Variants in OTUD7A observed in about 807,000 individuals in gnomAD.
OTUD7A encodes the protein OTU deubiquitinase 7A.
In OTUD7A, 12 loss-of-function variants were observed where a neutral mutation model predicts 65.7. The observed-to-expected ratio is 0.18, with a 90% CI of 0.12 to 0.30. The LOEUF is 0.30. OTUD7A is among the 10% of genes least tolerant of loss of function. OTUD7A has a pLI of 1.00. For synonymous variants in OTUD7A, 641 were observed against 586.3 expected, an observed-to-expected ratio of 1.09 and a Z score of -1.35; for missense variants, 1,148 against 1,304.8, an observed-to-expected ratio of 0.88 and a Z score of 1.85.
chr15:31,771,775 C>T (rs536752841), intron 1 of OTUD7A, among the ~76,000 whole-genome samples: 1 of 152,312 alleles, frequency 6.6e-6, no homozygotes, highest in East Asian at 1.9e-4. Context: ...AGACCCCCCT[C>T]TCCAACCTCT....
rs2041086325 is a variant in OTUD7A, at chr15:31,479,669, G to A, written c.*3625C>T. 1.4e-5 allele frequency: 2 copies of A among 146,318 alleles called. No individual in the cohort carries two copies. Among genetic ancestry groups the A allele is most frequent in the South Asian group, 4.3e-4 (2 of 4,600 alleles). 9.1% of individuals were successfully genotyped at this position (146,318 alleles called of 1,614,324 possible). ...AGTTTGTGGACACTAAGTGGGGGGGGGGGGTGATGGGCCCATGACCCCTCC... is the reference window on the plus strand; with the variant it reads ...AGTTTGTGGACACTAAGTGGGGGGGAGGGGTGATGGGCCCATGACCCCTCC... On this transcript the variant is annotated 3_prime_UTR_variant, in exon 13 of 13. Coordinates refer to ENST00000307050, the MANE Select transcript of OTUD7A (RefSeq NM_001382637.1).
At chr15:31,526,524 A>C in intron 7 of OTUD7A, 63 bp from the exon 8 acceptor site, 5 of 1,349,168 alleles carry the variant, frequency 3.7e-6, no homozygotes, top group Non-Finnish European at 2.0e-6. Flanking sequence ...TCCTCTCCTC[A>C]CCCTCCCAAT....
At chr15:31,543,066 C>G (rs965125113) in intron 5 of OTUD7A, among the ~76,000 whole-genome samples, 1 of 151,672 alleles carries the variant, frequency 6.6e-6, no homozygotes, top group African/African-American at 2.4e-5. Flanking sequence ...ATGGGTAAAT[C>G]AAAATGAATG....
chr15:31,575,246 G>A (rs1385686725), intron 3 of OTUD7A, among the ~76,000 whole-genome samples: 1 of 152,194 alleles, frequency 6.6e-6, no homozygotes, highest in Non-Finnish European at 1.5e-5. Flanking sequence ...ATGTAGCCCT[G>A]TGTGGTATGT....
chr15:31,821,159 C>T lies in OTUD7A; in HGVS notation c.-100+49348G>A, dbSNP rs1438711758. On this transcript the variant is annotated intron_variant, in intron 1 of 12. Coordinates refer to ENST00000307050, the MANE Select transcript of OTUD7A (RefSeq NM_001382637.1). ...TTTTTTTTTTTTTTTTTTTTTGAGA[C>T]GGAGTCTTGCTCTGTCACCAGGCTG... is the stretch of plus-strand genomic sequence containing the variant. Among the ~76,000 whole-genome samples, 11 of 103,042 alleles carry T rather than the reference C, an allele frequency of 1.1e-4. No homozygotes were observed. The Admixed American group carries it at 1.2e-3, about 11-fold the overall frequency. The allele number at this position is 103,042 out of a possible 152,430, so 67.6% of individuals were successfully genotyped here.
intron 1 of OTUD7A, among the ~76,000 whole-genome samples, chr15:31,771,213 C>T (rs1464092824): frequency 1.3e-5 from 2 of 152,160 alleles, no homozygotes; most frequent in Non-Finnish European, 2.9e-5. Context: ...AGGGTAGATA[C>T]TGAAAGAGGA....
intron 1 of OTUD7A, among the ~76,000 whole-genome samples, chr15:31,774,728 T>G (rs1895326468): frequency 6.6e-6 from 1 of 152,236 alleles, no homozygotes; most frequent in Admixed American, 6.5e-5. Flanking sequence ...TGATCCCAGT[T>G]GTCTGGGAAA....
chr15:31,537,321 A>C (rs1191316717), intron 5 of OTUD7A, among the ~76,000 whole-genome samples: 1 of 152,248 alleles, frequency 6.6e-6, no homozygotes, highest in African/African-American at 2.4e-5. Context: ...TTACTGATAA[A>C]AAATAACTGC....
intron 1 of OTUD7A, among the ~76,000 whole-genome samples, chr15:31,847,919 T>C (rs1897326696): frequency 6.6e-6 from 1 of 151,950 alleles, no homozygotes; most frequent in African/African-American, 2.4e-5. Flanking sequence ...AATGATCAGA[T>C]CTCGTGAGAA....
chr15:31,767,513 T>C (rs1895122034), intron 1 of OTUD7A: 3 of 771,648 alleles, frequency 3.9e-6, no homozygotes, highest in South Asian at 1.3e-5. Flanking sequence ...TGTTTTGTAG[T>C]ATAACTACTC....
chr15:31,497,643 A>C (rs2041407532), intron 10 of OTUD7A, among the ~76,000 whole-genome samples: 1 of 152,162 alleles, frequency 6.6e-6, no homozygotes, highest in South Asian at 2.1e-4. Flanking sequence ...TTCGACCCTG[A>C]AGGTTCCTGA....
chr15:31,584,825 T>A (rs1204892181), intron 3 of OTUD7A, among the ~76,000 whole-genome samples: 2 of 152,316 alleles, frequency 1.3e-5, no homozygotes, highest in East Asian at 3.9e-4. Flanking sequence ...AAGATCATGA[T>A]GGCCTGCCTA....
chr15:31,552,322 G>C (rs1284484243), intron 5 of OTUD7A, among the ~76,000 whole-genome samples: 2 of 152,138 alleles, frequency 1.3e-5, no homozygotes, highest in South Asian at 4.1e-4. Context: ...ATGCAAATGG[G>C]CTATGACAAT....
intron 3 of OTUD7A, among the ~76,000 whole-genome samples, chr15:31,631,687 C>G (rs1891161245): frequency 6.6e-6 from 1 of 152,172 alleles, no homozygotes; most frequent in African/African-American, 2.4e-5. Flanking sequence ...AGAGTGTTTT[C>G]CAACTTGGTT....
chr15:31,599,724 A>C (rs547927025), intron 3 of OTUD7A, among the ~76,000 whole-genome samples: 1 of 152,298 alleles, frequency 6.6e-6, no homozygotes, highest in South Asian at 2.1e-4. Context: ...AACCCAATGC[A>C]AGGAAGCTAA....
At chr15:31,772,272 T>A (rs867941115) in intron 1 of OTUD7A, among the ~76,000 whole-genome samples, 39 of 136,262 alleles carry the variant, frequency 2.9e-4, no homozygotes, top group African/African-American at 5.4e-4. Context: ...AAAAAAAAAA[T>A]ATTTTAGAGT....
At chr15:31,826,329 AC>A (rs1389979607) in intron 1 of OTUD7A, among the ~76,000 whole-genome samples, 1 of 152,224 alleles carries the variant, frequency 6.6e-6, no homozygotes, top group African/African-American at 2.4e-5. Flanking sequence ...CAGACTCAGC[AC>A]CACATGGATA....
chr15:31,585,715 C>T (rs1018030322), intron 3 of OTUD7A, among the ~76,000 whole-genome samples: 1 of 152,062 alleles, frequency 6.6e-6, no homozygotes, highest in Non-Finnish European at 1.5e-5. Flanking sequence ...CAGAAAGAGC[C>T]CCGGCTGTAT....
chr15:31,548,767 CAA>C (rs1888219704), intron 5 of OTUD7A, among the ~76,000 whole-genome samples: 1 of 152,122 alleles, frequency 6.6e-6, no homozygotes, highest in African/African-American at 2.4e-5. Flanking sequence ...TTCTGATTGT[CAA>C]AAGAGCCCAA....
Sources: allele counts gnomAD v4.1 joint callset (sites outside exome capture counted in the v4.1 genomes callset), GRCh38; gene constraint gnomAD v4.1.1; transcripts MANE v1.5; gene names NCBI Gene and HGNC (gene_info 2026-07-23, HGNC 2026-07-21).